The following NT5C3A variants were observed in gnomAD, a reference collection of about 807,000 sequenced individuals.
NT5C3A encodes the protein 5'-nucleotidase, cytosolic IIIA.
In NT5C3A, 23 loss-of-function variants were observed where a neutral mutation model predicts 40.0. The observed-to-expected ratio is 0.58, with a 90% CI of 0.41 to 0.81. The LOEUF is 0.81. Among genes scored for constraint, NT5C3A ranks in the 40% least tolerant of loss-of-function variants. NT5C3A has a pLI of 0.00. For missense variants in NT5C3A, 328 were observed against 403.0 expected (o/e 0.81, Z 1.59); for synonymous variants, 130 against 141.4 (o/e 0.92, Z 0.57).
At chr7:33,015,989 A>T (rs1010622735) in intron 7 of NT5C3A, 119 bp from the exon 8 acceptor site, 7 of 726,318 alleles carry the variant, frequency 9.6e-6, no homozygotes, top group Admixed American at 4.4e-5. Context: ...TACATCTTTG[A>T]TACTAGAGAT....
chr7:33,060,829 A>G (rs1248279002), intron 1 of NT5C3A, among the ~76,000 whole-genome samples: 2 of 152,166 alleles, frequency 1.3e-5, no homozygotes, highest in South Asian at 2.1e-4. Flanking sequence ...TACTTCTTCC[A>G]CTTGAAGAAG....
chr7:33,030,929 C>T (rs975569457), intron 1 of NT5C3A, among the ~76,000 whole-genome samples: 1 of 151,508 alleles, frequency 6.6e-6, no homozygotes, highest in Non-Finnish European at 1.5e-5. Flanking sequence ...GAAACCCTGT[C>T]TCTACTAAAA....
At chr7:33,028,453 C>A (rs938105335) in intron 1 of NT5C3A, among the ~76,000 whole-genome samples, 2 of 152,128 alleles carry the variant, frequency 1.3e-5, no homozygotes, top group Non-Finnish European at 2.9e-5. Flanking sequence ...GAAAATTATG[C>A]CTCATTTTAT....
chr7:33,047,197 A>C (rs951288708), intron 1 of NT5C3A, among the ~76,000 whole-genome samples: 4 of 152,166 alleles, frequency 2.6e-5, no homozygotes, highest in African/African-American at 9.7e-5. Flanking sequence ...GAAACAAACA[A>C]TATTGTTTAA....
chr7:33,034,777 A>C (rs1289843608), intron 1 of NT5C3A, among the ~76,000 whole-genome samples: 1 of 152,154 alleles, frequency 6.6e-6, no homozygotes, highest in South Asian at 2.1e-4. Flanking sequence ...TCTAGTTTAT[A>C]GGCCAGAAAA....
At chr7:33,056,586 T>C (rs1787581944) in intron 1 of NT5C3A, among the ~76,000 whole-genome samples, 1 of 149,144 alleles carries the variant, frequency 6.7e-6, no homozygotes, top group African/African-American at 2.5e-5. Context: ...GTGGGAGGAC[T>C]GCTTGAGCCC....
Position 33,051,014 on chromosome 7 carries a change from T to A in NT5C3A, c.138+11554A>T, listed in dbSNP as rs546153572. On this transcript the variant is annotated intron_variant, in intron 1 of 8. Transcript: ENST00000610140. ...TCAGGTATGGTTTAATGACATTACATGTCAAGTTGTTAGGCTGAAGATATA... is the reference window on the plus strand; with the variant it reads ...TCAGGTATGGTTTAATGACATTACAAGTCAAGTTGTTAGGCTGAAGATATA... Among the ~76,000 whole-genome samples, 3 of 152,338 alleles carry A rather than the reference T, an allele frequency of 2.0e-5. No individual in the cohort carries two copies. In the South Asian group the frequency reaches 6.2e-4, roughly 32 times the overall value.
At position 33,024,082 on chromosome 7, in the gene NT5C3A, G is replaced by A. The variant is rs777009829; in HGVS notation, c.264C>T (p.Leu88=). ...LQIITDFDMT[L]SRFSYKGKRC... ...TTTTCCCTTTATATGAAAATCTACT[G>A]AGTGTCATATCAAAGTCCGTTATTA... The change falls in exon 3 of 9, where the codon CTC becomes CTT. Residue 88 remains leucine (L), a synonymous_variant. Transcript: ENST00000610140. 1 of 1,585,748 alleles carries A rather than the reference G, an allele frequency of 6.3e-7. No individual in the cohort carries two copies. The highest frequency in any genetic ancestry group is 1.3e-5 in the African/African-American group (1 of 74,270).
At chr7:33,037,874 C>T (rs1490725394) in intron 1 of NT5C3A, among the ~76,000 whole-genome samples, 4 of 152,072 alleles carry the variant, frequency 2.6e-5, no homozygotes, top group African/African-American at 9.7e-5. Context: ...TTGATCACCA[C>T]CCTCAAAATA....
At position 33,058,042 on chromosome 7, in the gene NT5C3A, CTCTT is replaced by C. The variant is rs779970706; in HGVS notation, c.138+4522_138+4525del. On this transcript the variant is annotated intron_variant, in intron 1 of 8. Coordinates refer to ENST00000610140, the MANE Select transcript of NT5C3A (RefSeq NM_001002010.5). ...CAATCTCATTTTTTTTTCCTTTTGG[CTCTT>C]TCTTTGAATTCTAGTCTCATCCTCT... Among the ~76,000 whole-genome samples, 5 of 151,962 alleles carry C rather than the reference CTCTT, an allele frequency of 3.3e-5. No homozygotes were observed. The East Asian group carries it at 7.7e-4, about 23-fold the overall frequency.
At chr7:33,030,631 A>AT (rs1195662569) in intron 1 of NT5C3A, among the ~76,000 whole-genome samples, 1 of 152,214 alleles carries the variant, frequency 6.6e-6, no homozygotes, top group Non-Finnish European at 1.5e-5. Context: ...ATTGATGCCA[A>AT]TCTGAATCAA....
intron 1 of NT5C3A, among the ~76,000 whole-genome samples, chr7:33,050,548 G>A (rs780119703): frequency 2.0e-5 from 3 of 152,196 alleles, no homozygotes; most frequent in Non-Finnish European, 1.5e-5. Flanking sequence ...AGGCAAAGGA[G>A]AAGGCTATGC....
chr7:33,048,653 T>TA (rs1030951463), intron 1 of NT5C3A, among the ~76,000 whole-genome samples: 8 of 152,158 alleles, frequency 5.3e-5, no homozygotes, highest in Non-Finnish European at 7.3e-5. Context: ...ATTAAATAAT[T>TA]ATATATGCAA....
Position 33,062,723 on chromosome 7 carries a change from G to T in NT5C3A, c.-18C>A. 6.4e-7 allele frequency: 1 copy of T among 1,553,906 alleles called. No individual in the cohort carries two copies. The highest frequency in any genetic ancestry group is 2.4e-5 in the East Asian group (1 of 41,020). The stretch of plus-strand genomic sequence containing the variant: ...CGGTCCATGGACGGGGCCCTCATGC[G>T]CGTCCAAGCAGGAAAAAAACAGGCA... On this transcript the variant is annotated 5_prime_UTR_variant, in exon 1 of 9. Coordinates refer to ENST00000610140, the MANE Select transcript of NT5C3A (RefSeq NM_001002010.5).
At chr7:33,055,260 G>A (rs1177352759) in intron 1 of NT5C3A, among the ~76,000 whole-genome samples, 1 of 152,008 alleles carries the variant, frequency 6.6e-6, no homozygotes, top group Non-Finnish European at 1.5e-5. Flanking sequence ...GGGAGGCAGA[G>A]GTTGCAGTGA....
chr7:33,021,896 AC>A (rs1785645932), intron 4 of NT5C3A, 156 bp downstream of exon 4: 1 of 605,628 alleles, frequency 1.7e-6, no homozygotes, highest in Non-Finnish European at 3.0e-6. Context: ...TGTAATTCAT[AC>A]AGCAAACCTA....
intron 1 of NT5C3A, among the ~76,000 whole-genome samples, chr7:33,054,239 A>C (rs1342671868): frequency 2.0e-5 from 3 of 151,994 alleles, no homozygotes; most frequent in Admixed American, 6.6e-5. Context: ...CTGTAGTCCC[A>C]GCTACCTGGG....
At chr7:33,032,140 A>T (rs1583926498) in intron 1 of NT5C3A, among the ~76,000 whole-genome samples, 1 of 148,970 alleles carries the variant, frequency 6.7e-6, no homozygotes, top group East Asian at 2.0e-4. Context: ...CAAACAAAAA[A>T]AGGCCAGGCA....
chr7:33,026,177 T>C (rs1785916891), intron 2 of NT5C3A, among the ~76,000 whole-genome samples: 1 of 150,966 alleles, frequency 6.6e-6, no homozygotes, highest in Non-Finnish European at 1.5e-5. Flanking sequence ...AGAGTAATAC[T>C]CAGTCTCAAA....
Sources: gnomAD v4.1 joint callset for allele counts (sites outside exome capture counted in the v4.1 genomes callset) on GRCh38, gnomAD v4.1.1 for gene constraint, MANE v1.5 for transcripts, NCBI Gene and HGNC (gene_info 2026-07-23, HGNC 2026-07-21) for gene names.